The following SYNRG variants were observed in gnomAD, a reference collection of about 807,000 sequenced individuals.
SYNRG encodes AP1 gamma subunit binding protein 1.
SYNRG carries 37 observed loss-of-function variants against 130.9 expected under a neutral mutation model. The ratio of observed to expected loss-of-function variants is 0.28; its 90% CI spans 0.22 to 0.37. The LOEUF is 0.37. Among genes scored for constraint, SYNRG ranks in the 10% least tolerant of loss-of-function variants. The pLI, the probability that SYNRG is intolerant of heterozygous loss-of-function variation, is 1.00. For synonymous variants in SYNRG, 539 were observed against 568.1 expected (o/e 0.95, Z 0.73); for missense variants, 1,338 against 1,588.9 (o/e 0.84, Z 2.68).
intron 14 of SYNRG, among the ~76,000 whole-genome samples, chr17:37,551,846 A>G (rs1056427764): frequency 6.6e-6 from 1 of 151,146 alleles, no homozygotes; most frequent in African/African-American, 2.5e-5. Context: ...ACAGCAGCAA[A>G]AAAATAAGAA....
chr17:37,559,271 A>C (rs949649653), intron 13 of SYNRG, among the ~76,000 whole-genome samples: 19 of 152,310 alleles, frequency 1.2e-4, no homozygotes, highest in Admixed American at 1.2e-3. Flanking sequence ...CTATGCCTTA[A>C]TCAAGTCATT....
intron 4 of SYNRG, 69 bp downstream of exon 4, chr17:37,586,350 C>G: frequency 1.3e-6 from 2 of 1,589,632 alleles, no homozygotes; most frequent in South Asian, 1.1e-5. Flanking sequence ...CACTAGAGAT[C>G]ATTAGACAAT....
chr17:37,546,456 C>G lies in SYNRG; in HGVS notation c.2609-3891G>C, dbSNP rs369231971. The stretch of plus-strand genomic sequence containing the variant: ...ATCAGGGATGTCCTATTACAAAGGC[C>G]AAAGAAATAAATGTATACGATCTGT... On this transcript the variant is annotated intron_variant, in intron 14 of 21. Coordinates refer to ENST00000612223, the MANE Select transcript of SYNRG (RefSeq NM_007247.6). Among the ~76,000 whole-genome samples the G allele has an allele frequency of 7.2e-5, 11 of 152,226 alleles. No individual in the cohort carries two copies. In the East Asian group the frequency reaches 2.1e-3, roughly 29 times the overall value.
In SYNRG at chr17:37,518,863, G is replaced by C; in HGVS notation, c.*77C>G. The C allele has an allele frequency of 6.4e-7, 1 of 1,565,926 alleles. No individual in the cohort carries two copies. Among genetic ancestry groups the C allele is most frequent in the Non-Finnish European group, 8.7e-7 (1 of 1,153,526 alleles). ...CAGGGAAGCGAACTGTGCAGTGCTC[G>C]CATTCTATTTATTGGTCCCTGTCAC... On this transcript the variant is annotated 3_prime_UTR_variant, in exon 22 of 22. Coordinates refer to ENST00000612223, the MANE Select transcript of SYNRG (RefSeq NM_007247.6).
At chr17:37,604,006 C>T (rs1367030493) in intron 1 of SYNRG, among the ~76,000 whole-genome samples, 3 of 152,122 alleles carry the variant, frequency 2.0e-5, no homozygotes, top group East Asian at 1.9e-4. Context: ...TTTGGGAGGC[C>T]GAGGTGGGTG....
chr17:37,541,818 T>C (rs910401882), intron 15 of SYNRG, 154 bp downstream of exon 15: 3 of 752,370 alleles, frequency 4.0e-6, no homozygotes, highest in African/African-American at 1.8e-5. Context: ...CTCAGGGAAA[T>C]CTTTATTATA....
At chr17:37,585,217 C>A in intron 5 of SYNRG, 108 bp downstream of exon 5, 1 of 838,260 alleles carries the variant, frequency 1.2e-6, no homozygotes, top group East Asian at 2.5e-5. Flanking sequence ...GAATCAATCA[C>A]AGCCTCAGCT....
At chr17:37,520,959 G>A (rs2054952026) in intron 19 of SYNRG, among the ~76,000 whole-genome samples, 1 of 152,150 alleles carries the variant, frequency 6.6e-6, no homozygotes, top group African/African-American at 2.4e-5. Flanking sequence ...CAGGGCACAA[G>A]GGAGCGGCAC....
Position 37,553,478 on chromosome 17 carries a change from T to G in SYNRG, c.2245A>C (p.Arg749=). ...TAASTKYDVF[R]QLSLEGSGLG... is the part of the protein sequence containing the mutation. ...CCAGACCCTTCCAGAGAAAGTTGTC[T>G]GAAGACATCGTACTTGGTAGACGCA... The change falls in exon 14 of 22, where the codon AGA becomes CGA. Residue 749 remains arginine (R), a synonymous_variant. Transcript: ENST00000612223. The G allele has an allele frequency of 6.2e-7, 1 of 1,614,216 alleles. No individual in the cohort carries two copies.
chr17:37,588,186 G>C (rs115258264), intron 3 of SYNRG, among the ~76,000 whole-genome samples: 1 of 151,016 alleles, frequency 6.6e-6, no homozygotes, highest in Non-Finnish European at 1.5e-5. Context: ...TCAACTAATC[G>C]ACTTCTCTAT....
chr17:37,570,536 C>T (rs2060343829), intron 10 of SYNRG, 101 bp downstream of exon 10: 3 of 1,401,078 alleles, frequency 2.1e-6, no homozygotes, highest in Non-Finnish European at 2.8e-6. Flanking sequence ...TTTAAATGTG[C>T]TCACCATAAT....
chr17:37,586,279 C>T lies in SYNRG; in HGVS notation c.371+140G>A, dbSNP rs2061683962. ...AAAGTGCTGGGATTATAGGCATGAA[C>T]CACTGGGCCAGGCCTTAAGAGTTTT... On this transcript the variant is annotated intron_variant, in intron 4 of 21. Transcript: ENST00000612223. 5.5e-6 allele frequency: 7 copies of T among 1,265,930 alleles called. No individual in the cohort carries two copies. In the South Asian group the frequency reaches 1.1e-4, roughly 21 times the overall value. 78.4% of individuals were successfully genotyped at this position (1,265,930 alleles called of 1,614,324 possible).
chr17:37,602,273 G>A (rs545621525), intron 1 of SYNRG, among the ~76,000 whole-genome samples: 1 of 151,794 alleles, frequency 6.6e-6, no homozygotes, highest in African/African-American at 2.4e-5. Context: ...GGAGGCGGAG[G>A]TTGCAGTGAG....
chr17:37,586,232 A>G (rs572274135), intron 4 of SYNRG, among the ~76,000 whole-genome samples, 187 bp downstream of exon 4: 63 of 152,288 alleles, frequency 4.1e-4, no homozygotes, highest in African/African-American at 1.4e-3. Flanking sequence ...GGGCTCAAGC[A>G]ATCTGCCCAC....
intron 19 of SYNRG, among the ~76,000 whole-genome samples, chr17:37,530,022 C>G (rs2056454589): frequency 6.6e-6 from 1 of 152,148 alleles, no homozygotes; most frequent in African/African-American, 2.4e-5. Context: ...TGTACAAGAG[C>G]AATGTGCAGA....
intron 16 of SYNRG, 100 bp from the exon 17 acceptor site, chr17:37,539,345 T>C (rs2057512207): frequency 2.4e-6 from 3 of 1,234,090 alleles, no homozygotes; most frequent in African/African-American, 3.0e-5. Flanking sequence ...TTCCTTTTTA[T>C]TACGATCACT....
chr17:37,596,110 T>C, intron 3 of SYNRG, 113 bp downstream of exon 3: 1 of 1,260,074 alleles, frequency 7.9e-7, no homozygotes. Context: ...AAGGAAGCCA[T>C]TTATTTATGC....
chr17:37,601,640 G>A (rs574497828), intron 1 of SYNRG, among the ~76,000 whole-genome samples: 67 of 152,084 alleles, frequency 4.4e-4, no homozygotes, highest in African/African-American at 1.6e-3. Context: ...TCTCTTCTAA[G>A]GTTTTTTTTA....
intron 2 of SYNRG, among the ~76,000 whole-genome samples, chr17:37,598,824 G>A (rs1318736479): frequency 1.3e-5 from 2 of 152,174 alleles, no homozygotes; most frequent in African/African-American, 4.8e-5. Context: ...TTACTTGAAA[G>A]TGTATAGAAA....
Sources: gnomAD v4.1 joint callset for allele counts (sites outside exome capture counted in the v4.1 genomes callset) on GRCh38, gnomAD v4.1.1 for gene constraint, MANE v1.5 for transcripts, NCBI Gene and HGNC (gene_info 2026-07-23, HGNC 2026-07-21) for gene names.